GOLGA4: variants seen among roughly 807,000 people sequenced by gnomAD.
GOLGA4 encodes golgin subfamily A member 4.
In GOLGA4, 169 loss-of-function variants were observed where a neutral mutation model predicts 265.9. The observed-to-expected ratio is 0.64, with a 90% CI of 0.56 to 0.72. The LOEUF (loss-of-function observed/expected upper bound fraction) is 0.72, where lower values mean the gene tolerates loss of function less well. GOLGA4 is among the 30% of genes least tolerant of loss of function. The pLI is 0.00. For missense variants in GOLGA4, 2,482 were observed against 2,483.4 expected (o/e 1.00, Z 0.01); for synonymous variants, 923 against 855.8 (o/e 1.08, Z -1.37).
Position 37,323,799 on chromosome 3 carries a change from A to T in GOLGA4, c.1913A>T (p.Tyr638Phe). The change falls in exon 14 of 24, where the codon TAT becomes TTT. Residue 638 changes from tyrosine (Y) to phenylalanine (F), a missense_variant. Physicochemically the swap from Tyr to Phe is conservative, Grantham distance 22. Coordinates refer to ENST00000361924, the MANE Select transcript of GOLGA4 (RefSeq NM_002078.5). ...AAACTCCAAGTCTTAAAGCAACAAT[A>T]TCAGACTGAAATGGAAAAACTTAGG... is the stretch of plus-strand genomic sequence containing the variant. Reference protein sequence around the residue: ...TEKLQVLKQQYQTEMEKLREK... With the variant: ...TEKLQVLKQQFQTEMEKLREK... 2 of 1,610,026 alleles carry T rather than the reference A, an allele frequency of 1.2e-6. No individual in the cohort carries two copies. The highest frequency in any genetic ancestry group is 1.7e-6 in the Non-Finnish European group (2 of 1,179,064).
intron 2 of GOLGA4, chr3:37,276,027 A>T: frequency 6.2e-7 from 1 of 1,612,998 alleles, no homozygotes; most frequent in Admixed American, 1.7e-5. Flanking sequence ...TCCAGCGGCA[A>T]TGTAAGCAAC....
At chr3:37,263,702 C>CAT (rs764539907) in intron 2 of GOLGA4, among the ~76,000 whole-genome samples, 27 of 152,094 alleles carry the variant, frequency 1.8e-4, no homozygotes, top group Non-Finnish European at 3.5e-4. Context: ...TATACACACG[C>CAT]ATATATATAT....
intron 3 of GOLGA4, among the ~76,000 whole-genome samples, chr3:37,284,305 C>A (rs1559380929): frequency 6.6e-6 from 1 of 152,012 alleles, no homozygotes; most frequent in African/African-American, 2.4e-5. Flanking sequence ...CACTCTGTAG[C>A]CCAGGGTGGA....
chr3:37,326,135 T>G lies in GOLGA4; in HGVS notation c.4249T>G (p.Leu1417Val). ...KCELLDQVQD[L>V]SFKVDTLSKE... ...TGAATTGCTGGATCAGGTGCAAGAT[T>G]TATCTTTTAAAGTTGACACTCTGAG... The change falls in exon 14 of 24, where the codon TTA becomes GTA. Residue 1417 changes from leucine to valine, a missense_variant. This residue lies in a region of GOLGA4 where 942 missense variants were observed against 983.1 expected (regional missense o/e 0.96). Coordinates refer to ENST00000361924, the MANE Select transcript of GOLGA4 (RefSeq NM_002078.5). The G allele has an allele frequency of 2.5e-6, 4 of 1,613,710 alleles. No individual in the cohort carries two copies. The highest frequency in any genetic ancestry group is 3.4e-6 in the Non-Finnish European group (4 of 1,179,766).
chr3:37,301,590 A>G (rs1001334995), intron 9 of GOLGA4, among the ~76,000 whole-genome samples: 2 of 152,248 alleles, frequency 1.3e-5, no homozygotes, highest in African/African-American at 2.4e-5. Flanking sequence ...TAGAAAGGCT[A>G]TAAAATAAAT....
Position 37,243,443 on chromosome 3 carries a change from C to T in GOLGA4, c.-108C>T. 1.1e-6 allele frequency: 1 copy of T among 923,712 alleles called. No individual in the cohort carries two copies. The highest frequency in any genetic ancestry group is 1.9e-5 in the Admixed American group (1 of 52,152). The allele number at this position is 923,712 out of a possible 1,614,324, so 57.2% of individuals were successfully genotyped here. A position where few individuals can be genotyped will look rare whatever the true frequency, so the allele number is the denominator to read the frequency against. On this transcript the variant is annotated 5_prime_UTR_variant, in exon 1 of 24. Transcript: ENST00000361924. ...AAGGAGGAGACGGCGAGGCCCGGCC[C>T]CCGCTGTCCCTGGTGTAAAGAAGTC...
intron 21 of GOLGA4, among the ~76,000 whole-genome samples, chr3:37,350,669 G>T (rs1474982397): frequency 6.6e-6 from 1 of 151,966 alleles, no homozygotes; most frequent in African/African-American, 2.4e-5. Context: ...AGGTATTACG[G>T]GTTCAGTTCT....
intron 4 of GOLGA4, 81 bp from the exon 5 acceptor site, chr3:37,289,154 T>C (rs2096858272): frequency 1.3e-6 from 1 of 754,686 alleles, no homozygotes; most frequent in Admixed American, 2.6e-5. Flanking sequence ...ATTTTAAAAA[T>C]AATTATTTTT....
In GOLGA4 at chr3:37,323,826, A is replaced by C; in HGVS notation, c.1940A>C (p.Glu647Ala). 6.2e-7 allele frequency: 1 copy of C among 1,609,658 alleles called. No individual in the cohort carries two copies. Among genetic ancestry groups the C allele is most frequent in the Non-Finnish European group, 8.5e-7 (1 of 1,178,986 alleles). ...CAGACTGAAATGGAAAAACTTAGGGAAAAGTGTGAACAAGAAAAAGAAACA... is the reference window on the plus strand; with the variant it reads ...CAGACTGAAATGGAAAAACTTAGGGCAAAGTGTGAACAAGAAAAAGAAACA... Reference protein sequence around the residue: ...QYQTEMEKLREKCEQEKETLL... With the variant: ...QYQTEMEKLRAKCEQEKETLL... Residue 647 changes from glutamate to alanine, a missense_variant, in exon 14 of 24, where the codon GAA becomes GCA. Coordinates refer to ENST00000361924, the MANE Select transcript of GOLGA4 (RefSeq NM_002078.5).
chr3:37,328,442 A>G lies in GOLGA4; in HGVS notation c.5966A>G (p.Lys1989Arg), dbSNP rs1390547962. 1 of 1,613,132 alleles carries G rather than the reference A, an allele frequency of 6.2e-7. No homozygotes were observed. Among genetic ancestry groups the G allele is most frequent in the East Asian group, 2.2e-5 (1 of 44,856 alleles). ...CAGGAGCAGGAAGATCTTGAACTGA[A>G]GCACAATTCCACATTAAAACAGCTG... ...IKQEQEDLEL[K>R]HNSTLKQLMR... is the part of the protein sequence containing the mutation. The change falls in exon 15 of 24, where the codon AAG (lysine) becomes AGG (arginine). Residue 1989 changes from lysine (K) to arginine (R), a missense_variant. Lys to Arg is a conservative substitution (Grantham distance 26, BLOSUM62 2). Around this residue, in one of 3 missense-constraint regions of GOLGA4, gnomAD observed 942 missense variants for 983.1 expected, o/e 0.96. Transcript: ENST00000361924.
At chr3:37,274,616 C>T (rs2096808992) in intron 2 of GOLGA4, among the ~76,000 whole-genome samples, 1 of 151,792 alleles carries the variant, frequency 6.6e-6, no homozygotes, top group Non-Finnish European at 1.5e-5. Context: ...ATTGCTTGAG[C>T]CTGGGAGTGG....
chr3:37,302,093 G>A, intron 9 of GOLGA4, 92 bp from the exon 10 acceptor site: 1 of 1,076,832 alleles, frequency 9.3e-7, no homozygotes. Context: ...ACCATGCCCG[G>A]CCTTTTTCTG....
At chr3:37,270,493 C>G (rs554750899) in intron 2 of GOLGA4, among the ~76,000 whole-genome samples, 3 of 152,196 alleles carry the variant, frequency 2.0e-5, no homozygotes, top group African/African-American at 7.2e-5. Context: ...GCTGGGATTA[C>G]AGGCATGAGC....
At chr3:37,268,379 T>A (rs1237448524) in intron 2 of GOLGA4, among the ~76,000 whole-genome samples, 2 of 152,092 alleles carry the variant, frequency 1.3e-5, no homozygotes. Context: ...CCACTATGTC[T>A]GGCCCAATTT....
intron 2 of GOLGA4, among the ~76,000 whole-genome samples, chr3:37,280,964 A>G (rs1578479035): frequency 6.6e-6 from 1 of 152,162 alleles, no homozygotes; most frequent in Admixed American, 6.5e-5. Context: ...ACTGAAGAGA[A>G]TCTTTTTATT....
Position 37,327,542 on chromosome 3 carries a change from G to A in GOLGA4, c.5656G>A (p.Ala1886Thr), listed in dbSNP as rs2096975863. 3.1e-6 allele frequency: 5 copies of A among 1,613,728 alleles called. No homozygotes were observed. Among genetic ancestry groups the A allele is most frequent in the African/African-American group, 1.3e-5 (1 of 74,984 alleles). ...GACCTCAAAATATGAAAAATTACAG[G>A]CTTTACAACAGATGGATGGAAGAAA... is the stretch of plus-strand genomic sequence containing the variant. ...ELTSKYEKLQ[A>T]LQQMDGRNKP... Residue 1886 changes from alanine to threonine, a missense_variant, in exon 14 of 24, where the codon GCT (alanine) becomes ACT (threonine). By Grantham distance (58) the Ala-to-Thr change is moderately conservative. Coordinates refer to ENST00000361924, the MANE Select transcript of GOLGA4 (RefSeq NM_002078.5).
rs753179868 is a variant in GOLGA4, at chr3:37,243,507, C to T, written c.-44C>T. 2.5e-6 allele frequency: 4 copies of T among 1,575,288 alleles called. No homozygotes were observed. In the South Asian group the frequency reaches 3.3e-5, roughly 13 times the overall value. On this transcript the variant is annotated 5_prime_UTR_variant, in exon 1 of 24. Transcript: ENST00000361924. ...CGGCCGGGACTCCCCGGGCTCTCGC[C>T]CTTCAGGTTTCGTTGACACTCAGGA...
At chr3:37,275,495 A>T (rs1285785614) in intron 2 of GOLGA4, among the ~76,000 whole-genome samples, 1 of 152,110 alleles carries the variant, frequency 6.6e-6, no homozygotes, top group Non-Finnish European at 1.5e-5. Flanking sequence ...TCTAAACAGC[A>T]CTGTACAGAA....
Position 37,325,479 on chromosome 3 carries a change from G to A in GOLGA4, c.3593G>A (p.Ser1198Asn). 6.2e-7 allele frequency: 1 copy of A among 1,613,114 alleles called. No homozygotes were observed. The highest frequency in any genetic ancestry group is 1.3e-5 in the African/African-American group (1 of 74,956). ...TCTTCACATGAAAAAAGTAACAAAAGCCTAGAGGACAAGAGCTTGGAATTT... is the reference window on the plus strand; with the variant it reads ...TCTTCACATGAAAAAAGTAACAAAAACCTAGAGGACAAGAGCTTGGAATTT... ...LKSSHEKSNK[S>N]LEDKSLEFKK... Residue 1198 changes from serine to asparagine, a missense_variant, in exon 14 of 24, where the codon AGC (serine) becomes AAC (asparagine). Transcript: ENST00000361924.
Sources: gnomAD v4.1 joint callset for allele counts (sites outside exome capture counted in the v4.1 genomes callset) on GRCh38, gnomAD v4.1.1 for gene constraint, gnomAD v4.1.1 regional missense constraint, MANE v1.5 for transcripts, NCBI Gene and HGNC (gene_info 2026-07-23, HGNC 2026-07-21) for gene names.